Variants in LPP observed in about 807,000 individuals in gnomAD.
The protein encoded by LPP is lipoma-preferred partner.
A neutral mutation model predicts 60.4 loss-of-function variants in LPP; 38 were observed. The ratio of observed to expected loss-of-function variants is 0.63; its 90% CI spans 0.49 to 0.83. The LOEUF is 0.83. Among genes scored for constraint, LPP ranks in the 40% least tolerant of loss-of-function variants. LPP has a pLI of 0.00. For missense variants in LPP, 902 were observed against 783.6 expected (o/e 1.15, Z -1.80); for synonymous variants, 328 against 290.8 (o/e 1.13, Z -1.30).
At chr3:188,777,342 C>T (rs1280846307) in intron 9 of LPP, among the ~76,000 whole-genome samples, 1 of 151,126 alleles carries the variant, frequency 6.6e-6, no homozygotes, top group Non-Finnish European at 1.5e-5. Context: ...AAATCGCCTT[C>T]AGTCCATTGA....
chr3:188,872,539 A>G, intron 10 of LPP, 104 bp from the exon 11 acceptor site: 1 of 1,248,974 alleles, frequency 8.0e-7, no homozygotes, highest in South Asian at 1.3e-5. Flanking sequence ...ACGGATGAGG[A>G]AGCAGGTATA....
intron 5 of LPP, among the ~76,000 whole-genome samples, chr3:188,495,716 C>A (rs1376343911): frequency 6.6e-6 from 1 of 152,128 alleles, no homozygotes; most frequent in African/African-American, 2.4e-5. Context: ...TACCTTTTAT[C>A]CATGGATTTG....
intron 3 of LPP, among the ~76,000 whole-genome samples, chr3:188,385,381 C>T (rs1292425853): frequency 2.6e-5 from 4 of 152,062 alleles, no homozygotes. Flanking sequence ...TTTGTTCCTT[C>T]CTCGTGACAG....
intron 7 of LPP, among the ~76,000 whole-genome samples, chr3:188,700,036 T>G (rs1417270906): frequency 6.6e-6 from 1 of 152,204 alleles, no homozygotes. Flanking sequence ...AAGAAGATAA[T>G]TTCAATGTTT....
chr3:188,834,324 GTTTT>G (rs71867135), intron 9 of LPP, among the ~76,000 whole-genome samples: 633 of 34,114 alleles, frequency 0.019, 8 homozygotes, highest in African/African-American at 0.08. Flanking sequence ...CTTTTTGGGT[GTTTT>G]TTTTTTTTTT....
chr3:188,544,056 A>G (rs56015018), intron 6 of LPP, among the ~76,000 whole-genome samples: 6,219 of 152,284 alleles, frequency 0.041, 235 homozygotes, highest in African/African-American at 0.098. Flanking sequence ...AGAACTCCAG[A>G]ATTTAAGAAA....
In LPP at chr3:188,889,077, T is replaced by G. The variant is rs970114059; in HGVS notation, c.*14598T>G. The G allele has an allele frequency of 4.4e-6, 1 of 225,042 alleles. No homozygotes were observed. Among genetic ancestry groups the G allele is most frequent in the African/African-American group, 2.2e-5 (1 of 44,914 alleles). 13.9% of individuals were successfully genotyped at this position (225,042 alleles called of 1,614,324 possible). ...TAAAGTGTCAGCACATTCCTTCTCC[T>G]TTTGTCTCTCAGGCTAACATGAGAG... On this transcript the variant is annotated 3_prime_UTR_variant, in exon 12 of 12. Coordinates refer to ENST00000617246, the MANE Select transcript of LPP (RefSeq NM_001375462.1).
At chr3:188,544,509 A>G (rs1351812026) in intron 6 of LPP, among the ~76,000 whole-genome samples, 1 of 151,388 alleles carries the variant, frequency 6.6e-6, no homozygotes, top group East Asian at 1.9e-4. Flanking sequence ...AAAAATGCTC[A>G]TCATCACTGG....
At chr3:188,338,339 A>G (rs757448019) in intron 2 of LPP, among the ~76,000 whole-genome samples, 5 of 152,218 alleles carry the variant, frequency 3.3e-5, no homozygotes, top group Non-Finnish European at 7.3e-5. Context: ...CATATTTGTC[A>G]TCTAATTCCT....
At chr3:188,298,414 T>C (rs1318284006) in intron 2 of LPP, among the ~76,000 whole-genome samples, 1 of 152,134 alleles carries the variant, frequency 6.6e-6, no homozygotes, top group Admixed American at 6.5e-5. Flanking sequence ...TACCTTTGCT[T>C]CTCTTAAATA....
At chr3:188,245,659 T>C (rs2149506560) in intron 2 of LPP, among the ~76,000 whole-genome samples, 2 of 152,134 alleles carry the variant, frequency 1.3e-5, no homozygotes, top group Admixed American at 1.3e-4. Flanking sequence ...CCCACACTTT[T>C]TTTTTTTTAA....
chr3:188,868,134 G>A (rs768650714), intron 10 of LPP, among the ~76,000 whole-genome samples: 11 of 152,092 alleles, frequency 7.2e-5, no homozygotes, highest in Non-Finnish European at 1.3e-4. Context: ...AAATCCCTGC[G>A]TCTTAAGGGA....
At chr3:188,287,127 C>T (rs193190866) in intron 2 of LPP, among the ~76,000 whole-genome samples, 2 of 152,374 alleles carry the variant, frequency 1.3e-5, no homozygotes, top group East Asian at 3.9e-4. Context: ...TCTCAAACTC[C>T]TGACCTCAAG....
intron 6 of LPP, among the ~76,000 whole-genome samples, chr3:188,580,941 C>T (rs979350528): frequency 1.3e-5 from 2 of 152,032 alleles, no homozygotes; most frequent in African/African-American, 4.8e-5. Flanking sequence ...GCTCTACTTC[C>T]AAGACCTTTC....
At chr3:188,592,557 G>GTTTTTTTTTTTTTTTT (rs1553936333) in intron 6 of LPP, among the ~76,000 whole-genome samples, 1 of 85,750 alleles carries the variant, frequency 1.2e-5, no homozygotes, top group Admixed American at 1.3e-4. Context: ...TTTTGTTTTT[G>GTTTTTTTTTTTTTTTT]TTTTTTAAAT....
chr3:188,749,104 G>A (rs1381612548), intron 8 of LPP, among the ~76,000 whole-genome samples: 2 of 152,170 alleles, frequency 1.3e-5, no homozygotes, highest in African/African-American at 4.8e-5. Context: ...GAGTCATACA[G>A]AAGCCATGTT....
At chr3:188,579,770 G>A (rs1009198121) in intron 6 of LPP, among the ~76,000 whole-genome samples, 1 of 151,244 alleles carries the variant, frequency 6.6e-6, no homozygotes, top group African/African-American at 2.4e-5. Flanking sequence ...GACCAGCCTG[G>A]GCAACATAGT....
intron 7 of LPP, among the ~76,000 whole-genome samples, chr3:188,637,341 G>A (rs1454464553): frequency 6.6e-6 from 1 of 150,880 alleles, no homozygotes; most frequent in Non-Finnish European, 1.5e-5. Flanking sequence ...ACATACCAGA[G>A]TCTCTGGGAC....
At chr3:188,639,563 A>G (rs1420407516) in intron 7 of LPP, among the ~76,000 whole-genome samples, 8 of 150,756 alleles carry the variant, frequency 5.3e-5, no homozygotes, top group African/African-American at 1.7e-4. Flanking sequence ...AGAAACTACC[A>G]TCAGAGTGAA....
Sources: gnomAD v4.1 joint callset for allele counts (sites outside exome capture counted in the v4.1 genomes callset) on GRCh38, gnomAD v4.1.1 for gene constraint, MANE v1.5 for transcripts, NCBI Gene and HGNC (gene_info 2026-07-23, HGNC 2026-07-21) for gene names.